The following UBTD1 variants were observed in gnomAD, a reference collection of about 807,000 sequenced individuals.
UBTD1 encodes ubiquitin domain-containing protein 1.
A neutral mutation model predicts 21.7 loss-of-function variants in UBTD1; 19 were observed. That is an observed-to-expected ratio of 0.87 (90% CI 0.61 to 1.28). UBTD1 has a LOEUF of 1.28. Ranked by LOEUF, UBTD1 falls within the 50% of genes most tolerant of loss-of-function variation. The pLI, the probability that UBTD1 is intolerant of heterozygous loss-of-function variation, is 0.00. For synonymous variants in UBTD1, 116 were observed against 135.1 expected (o/e 0.86, Z 0.98); for missense variants, 282 against 315.1 (o/e 0.89, Z 0.80).
intron 1 of UBTD1, among the ~76,000 whole-genome samples, chr10:97,525,261 T>C (rs1185648017): frequency 6.6e-6 from 1 of 152,124 alleles, no homozygotes; most frequent in Non-Finnish European, 1.5e-5. Flanking sequence ...CCAGACAATC[T>C]GTAAATGCCA....
intron 1 of UBTD1, among the ~76,000 whole-genome samples, chr10:97,521,045 G>A (rs1260391497): frequency 1.3e-5 from 2 of 152,156 alleles, no homozygotes; most frequent in East Asian, 3.9e-4. Flanking sequence ...ATCTGCTGGG[G>A]AAGCCGGGCC....
In UBTD1 at chr10:97,499,140, C is replaced by A; in HGVS notation, c.-64C>A. The A allele has an allele frequency of 3.4e-6, 5 of 1,470,488 alleles. No homozygotes were observed. The highest frequency in any genetic ancestry group is 4.5e-6 in the Non-Finnish European group (5 of 1,103,016). 91.1% of individuals were successfully genotyped at this position (1,470,488 alleles called of 1,614,324 possible). ...CCGGAGCCATTGACCCGGGACGCCG[C>A]CGTCCGCTGAGCAGCCGACCACCCC... On this transcript the variant is annotated 5_prime_UTR_variant, in exon 1 of 3. Coordinates refer to ENST00000370664, the MANE Select transcript of UBTD1 (RefSeq NM_024954.5).
In UBTD1 at chr10:97,499,077, C is replaced by T. The variant is rs2040288608; in HGVS notation, c.-127C>T. On this transcript the variant is annotated 5_prime_UTR_variant, in exon 1 of 3. Coordinates refer to ENST00000370664, the MANE Select transcript of UBTD1 (RefSeq NM_024954.5). ...GAGCCATCGCTGGGGCTGAGCGCGCCCCCGGGGGGAGATCGGGGAGCGCCC... is the reference window on the plus strand; with the variant it reads ...GAGCCATCGCTGGGGCTGAGCGCGCTCCCGGGGGGAGATCGGGGAGCGCCC... 9.2e-7 allele frequency: 1 copy of T among 1,088,894 alleles called. No homozygotes were observed. The highest frequency in any genetic ancestry group is 1.3e-6 in the Non-Finnish European group (1 of 788,026). 67.5% of individuals were successfully genotyped at this position (1,088,894 alleles called of 1,614,324 possible).
At chr10:97,511,054 C>T (rs11189247) in intron 1 of UBTD1, among the ~76,000 whole-genome samples, 33,956 of 151,960 alleles carry the variant, frequency 0.22, 4,219 homozygotes, top group Non-Finnish European at 0.28. Flanking sequence ...CTCTGATACA[C>T]ATTGTCAGCC....
intron 1 of UBTD1, among the ~76,000 whole-genome samples, chr10:97,528,058 C>T (rs1264244518): frequency 7.0e-6 from 1 of 142,702 alleles, no homozygotes; most frequent in Non-Finnish European, 1.6e-5. Flanking sequence ...CCGGACGGGG[C>T]GGCTGGCTGG....
chr10:97,570,583 C>A lies in UBTD1; in HGVS notation c.*60C>A. On this transcript the variant is annotated 3_prime_UTR_variant, in exon 3 of 3. Transcript: ENST00000370664. The surrounding 1 kb of genome is among the most constrained non-coding windows in gnomAD (Gnocchi z 6.6). The stretch of plus-strand genomic sequence containing the variant: ...GGAGCACTAGGCCCCCACCCTGCTG[C>A]TGCCTTCCAGTGCTGTCATTTTCTT... 2.0e-6 allele frequency: 3 copies of A among 1,531,742 alleles called. No individual in the cohort carries two copies. The highest frequency in any genetic ancestry group is 2.6e-6 in the Non-Finnish European group (3 of 1,132,974). The allele number at this position is 1,531,742 out of a possible 1,614,324, so 94.9% of individuals were successfully genotyped here. A position where few individuals can be genotyped will look rare whatever the true frequency, so the allele number is the denominator to read the frequency against.
rs918389442 is a variant in UBTD1, at chr10:97,570,812, C to T, written c.*289C>T. 1.0e-5 allele frequency: 4 copies of T among 397,058 alleles called. No homozygotes were observed. The highest frequency in any genetic ancestry group is 4.2e-5 in the East Asian group (1 of 24,068). The allele number at this position is 397,058 out of a possible 1,614,324, so 24.6% of individuals were successfully genotyped here. A position where few individuals can be genotyped will look rare whatever the true frequency, so the allele number is the denominator to read the frequency against. On this transcript the variant is annotated 3_prime_UTR_variant, in exon 3 of 3. Coordinates refer to ENST00000370664, the MANE Select transcript of UBTD1 (RefSeq NM_024954.5). This position sits in a 1 kb window ranked among gnomAD's most constrained non-coding sequence, Gnocchi z 6.6. ...CGAGCCACAAGGGCCAACCAGGAGG[C>T]CCCTGGAGCCCAGATCTGTCATCTG...
At chr10:97,561,405 G>A (rs1485472216) in intron 1 of UBTD1, among the ~76,000 whole-genome samples, 1 of 147,994 alleles carries the variant, frequency 6.8e-6, no homozygotes, top group Non-Finnish European at 1.5e-5. Context: ...GGGAGCATCT[G>A]CAAGCTACTG....
chr10:97,558,209 T>G (rs994010449), intron 1 of UBTD1, among the ~76,000 whole-genome samples: 1 of 152,008 alleles, frequency 6.6e-6, no homozygotes, highest in African/African-American at 2.4e-5. Context: ...ATCCAATACT[T>G]CTACACAGTT....
chr10:97,502,832 T>C (rs1274275656), intron 1 of UBTD1, among the ~76,000 whole-genome samples: 1 of 150,280 alleles, frequency 6.7e-6, no homozygotes, highest in Non-Finnish European at 1.5e-5. Context: ...TGTGTGTGTG[T>C]GCGTATGTGT....
chr10:97,499,613 G>T (rs1312178496), intron 1 of UBTD1, among the ~76,000 whole-genome samples: 1 of 152,140 alleles, frequency 6.6e-6, no homozygotes, highest in Non-Finnish European at 1.5e-5. Flanking sequence ...CTCCGGCCGG[G>T]GTCGGACGCC....
At position 97,570,188 on chromosome 10, in the gene UBTD1, A is replaced by G. The variant is rs747647092; in HGVS notation, c.349A>G (p.Ile117Val). 1.9e-6 allele frequency: 3 copies of G among 1,612,896 alleles called. No individual in the cohort carries two copies. Among genetic ancestry groups the G allele is most frequent in the South Asian group, 1.1e-5 (1 of 91,080 alleles). Residue 117 changes from isoleucine to valine, a missense_variant, in exon 3 of 3, where the codon ATC becomes GTC. Coordinates refer to ENST00000370664, the MANE Select transcript of UBTD1 (RefSeq NM_024954.5). The surrounding 1 kb of genome is among the most constrained non-coding windows in gnomAD (Gnocchi z 6.6). ...DELGNRYQLP[I>V]YCLSPPVNLL... Reference sequence around the variant, plus strand: ...GCTGGGCAATCGCTACCAGCTGCCCATCTACTGCCTGTCACCGCCGGTGAA... The same window carrying G: ...GCTGGGCAATCGCTACCAGCTGCCCGTCTACTGCCTGTCACCGCCGGTGAA...
chr10:97,545,640 C>T (rs979304518), intron 1 of UBTD1, among the ~76,000 whole-genome samples: 7 of 152,188 alleles, frequency 4.6e-5, no homozygotes, highest in African/African-American at 1.7e-4. Context: ...TCCCTGCCTC[C>T]TAGAAGAGAC....
chr10:97,532,412 G>A (rs964811089), intron 1 of UBTD1, among the ~76,000 whole-genome samples: 1 of 152,212 alleles, frequency 6.6e-6, no homozygotes, highest in Non-Finnish European at 1.5e-5. Context: ...TTGGGAGGCC[G>A]AGGCAGGCGG....
intron 1 of UBTD1, among the ~76,000 whole-genome samples, chr10:97,507,211 T>C (rs1396373019): frequency 1.3e-5 from 2 of 152,210 alleles, no homozygotes; most frequent in Non-Finnish European, 2.9e-5. Context: ...TTTTGTTGAT[T>C]AGGTTTGGAT....
intron 2 of UBTD1, among the ~76,000 whole-genome samples, chr10:97,569,919 A>G (rs898638977): frequency 4.9e-5 from 7 of 143,570 alleles, no homozygotes; most frequent in African/African-American, 1.8e-4. Flanking sequence ...GTCTCAAAAG[A>G]AAAAAAAAAA....
intron 1 of UBTD1, 143 bp downstream of exon 1, chr10:97,499,416 C>G (rs1241873159): frequency 1.9e-6 from 2 of 1,080,454 alleles, no homozygotes; most frequent in African/African-American, 3.3e-5. Context: ...CAGAGGGGGC[C>G]GCTCCCCAGC....
chr10:97,531,680 G>C (rs2040532786), intron 1 of UBTD1, among the ~76,000 whole-genome samples: 2 of 152,316 alleles, frequency 1.3e-5, no homozygotes, highest in African/African-American at 4.8e-5. Context: ...CCCCAGGGGC[G>C]ATTCTAGGTA....
intron 1 of UBTD1, among the ~76,000 whole-genome samples, chr10:97,516,329 G>A (rs1890969): frequency 0.52 from 78,635 of 151,962 alleles, 21,716 homozygotes; most frequent in East Asian, 0.86. Flanking sequence ...GAGGACCCAG[G>A]CTTCTCCTCT....
Sources: allele counts gnomAD v4.1 joint callset (sites outside exome capture counted in the v4.1 genomes callset), GRCh38; gene constraint gnomAD v4.1.1; non-coding constraint Gnocchi (gnomAD v3.1); transcripts MANE v1.5; gene names NCBI Gene and HGNC (gene_info 2026-07-23, HGNC 2026-07-21).